The following HIVEP3 variants were observed in gnomAD, a reference collection of about 807,000 sequenced individuals.
HIVEP3 encodes HIVEP zinc finger 3.
In HIVEP3, 49 loss-of-function variants were observed where a neutral mutation model predicts 152.8. That is an observed-to-expected ratio of 0.32 (90% CI 0.26 to 0.41). HIVEP3 has a LOEUF of 0.41. HIVEP3 is among the 10% of genes least tolerant of loss of function. The pLI, the probability that HIVEP3 is intolerant of heterozygous loss-of-function variation, is 1.00. For missense variants in HIVEP3, 2,790 were observed against 3,103.3 expected, an observed-to-expected ratio of 0.90 and a Z score of 2.40; for synonymous variants, 1,269 against 1,289.0, an observed-to-expected ratio of 0.98 and a Z score of 0.33.
At chr1:41,678,712 G>T (rs1452296803) in intron 2 of HIVEP3, among the ~76,000 whole-genome samples, 1 of 152,202 alleles carries the variant, frequency 6.6e-6, no homozygotes, top group Non-Finnish European at 1.5e-5. Context: ...CAGTGACTGT[G>T]ACGACTGCCC....
At chr1:41,802,581 A>G (rs2124314663) in intron 1 of HIVEP3, among the ~76,000 whole-genome samples, 1 of 152,226 alleles carries the variant, frequency 6.6e-6, no homozygotes, top group East Asian at 1.9e-4. Context: ...GGAATAGGAG[A>G]GGAATGCTGA....
chr1:41,844,473 C>T (rs142930662), intron 1 of HIVEP3, among the ~76,000 whole-genome samples: 68 of 152,330 alleles, frequency 4.5e-4, no homozygotes, highest in African/African-American at 1.5e-3. Context: ...CCAGCAGTAT[C>T]GCTAGACGTC....
chr1:41,857,983 A>ATCTCCCTCTC (rs1553123645), intron 1 of HIVEP3, among the ~76,000 whole-genome samples: 1 of 148,484 alleles, frequency 6.7e-6, no homozygotes, highest in Non-Finnish European at 1.5e-5. Flanking sequence ...CAATCAATCA[A>ATCTCCCTCTC]TCTCTCTCTC....
At chr1:41,677,471 CA>C (rs2124083411) in intron 2 of HIVEP3, among the ~76,000 whole-genome samples, 1 of 152,342 alleles carries the variant, frequency 6.6e-6, no homozygotes, top group East Asian at 1.9e-4. Context: ...ATCTTTGCTT[CA>C]CTATAAAATG....
chr1:41,724,509 G>C (rs184595605), intron 1 of HIVEP3, among the ~76,000 whole-genome samples: 239 of 152,330 alleles, frequency 1.6e-3, no homozygotes, highest in African/African-American at 5.6e-3. Flanking sequence ...AGAGAACAAA[G>C]ACTTGGCTTG....
At chr1:41,786,315 T>C (rs1325778194) in intron 1 of HIVEP3, among the ~76,000 whole-genome samples, 1 of 152,166 alleles carries the variant, frequency 6.6e-6, no homozygotes, top group East Asian at 1.9e-4. Flanking sequence ...TCAGTAGAGA[T>C]GAGTTTCTTG....
At position 41,973,704 on chromosome 1, in the gene HIVEP3, G is replaced by A. The variant is rs145506618; in HGVS notation, n.120-55180C>T. ...TCAGCCCATATGCAAGGAATGATAG[G>A]AGTCAGAGGTCACTGGGGACCCAAT... On this transcript the variant is annotated intron_variant and non_coding_transcript_variant, in intron 1 of 3. Coordinates refer to the HIVEP3 transcript ENST00000489103. Among the ~76,000 whole-genome samples the A allele has an allele frequency of 2.1e-3, 314 of 152,332 alleles. 1 individual carries two copies. Among genetic ancestry groups the A allele is most frequent in the African/African-American group, 7.2e-3 (301 of 41,574 alleles).
At chr1:41,744,349 T>G (rs1159814599) in intron 1 of HIVEP3, among the ~76,000 whole-genome samples, 1 of 152,188 alleles carries the variant, frequency 6.6e-6, no homozygotes, top group Non-Finnish European at 1.5e-5. Context: ...CAGCCAGCCT[T>G]TTAAAATTTA....
chr1:41,616,349 G>A (rs1427299310), intron 3 of HIVEP3, among the ~76,000 whole-genome samples: 6 of 152,182 alleles, frequency 3.9e-5, no homozygotes, highest in Non-Finnish European at 8.8e-5. Flanking sequence ...CACAAAGGAC[G>A]TGTCTTGGCA....
chr1:41,643,890 C>CTTTTTTTTT lies in HIVEP3; in HGVS notation c.-720-14952_-720-14944dup, dbSNP rs58838768. ...CAAATTGTGTCTGCCTTCCCATCCTCTTTTTTTTTTTTTTTTGACAGGGTC... is the reference window on the plus strand; with the variant it reads ...CAAATTGTGTCTGCCTTCCCATCCTCTTTTTTTTTTTTTTTTTTTTTTTTTGACAGGGTC... On this transcript the variant is annotated intron_variant, in intron 2 of 8. Coordinates refer to ENST00000372583, the MANE Select transcript of HIVEP3 (RefSeq NM_024503.5). Among the ~76,000 whole-genome samples the CTTTTTTTTT allele has an allele frequency of 3.3e-3, 237 of 71,922 alleles. 7 individuals carry two copies. The highest frequency in any genetic ancestry group is 0.02 in the East Asian group (32 of 1,568). 47.2% of individuals were successfully genotyped at this position (71,922 alleles called of 152,430 possible).
intron 3 of HIVEP3, among the ~76,000 whole-genome samples, chr1:41,613,726 G>C (rs1193157852): frequency 6.6e-6 from 1 of 152,134 alleles, no homozygotes; most frequent in Non-Finnish European, 1.5e-5. Flanking sequence ...AAAATTCACA[G>C]GGTTGTGCAA....
At chr1:41,529,780 CCA>C (rs1206796345) in intron 5 of HIVEP3, among the ~76,000 whole-genome samples, 6 of 149,580 alleles carry the variant, frequency 4.0e-5, no homozygotes, top group Admixed American at 3.3e-4. Context: ...TTCCACATCC[CCA>C]CACACTCATA....
At chr1:41,804,645 G>A (rs1650494761) in intron 1 of HIVEP3, among the ~76,000 whole-genome samples, 1 of 152,208 alleles carries the variant, frequency 6.6e-6, no homozygotes. Flanking sequence ...ATTCACTGCA[G>A]ATGTCAAAGT....
chr1:41,962,602 T>C (rs1645175041), intron 1 of HIVEP3, among the ~76,000 whole-genome samples: 1 of 152,248 alleles, frequency 6.6e-6, no homozygotes, highest in African/African-American at 2.4e-5. Flanking sequence ...CCAGAAGGGA[T>C]GCTGGAACTC....
At chr1:41,852,159 C>T (rs984144028) in intron 1 of HIVEP3, among the ~76,000 whole-genome samples, 4 of 152,240 alleles carry the variant, frequency 2.6e-5, no homozygotes, top group African/African-American at 9.6e-5. Flanking sequence ...TGCTGTTTTG[C>T]CTTCCTTAGT....
intron 6 of HIVEP3, among the ~76,000 whole-genome samples, chr1:41,522,537 C>G (rs968832691): frequency 6.6e-6 from 1 of 152,166 alleles, no homozygotes; most frequent in African/African-American, 2.4e-5. Context: ...AGCCTTACCT[C>G]GGGGGATGCT....
chr1:41,662,244 G>A lies in HIVEP3; in HGVS notation c.-720-33297C>T, dbSNP rs1300183920. 2 of 145,626 alleles carry A rather than the reference G, an allele frequency of 1.4e-5. No individual in the cohort carries two copies. Among genetic ancestry groups the A allele is most frequent in the African/African-American group, 2.5e-5 (1 of 40,686 alleles). The allele number at this position is 145,626 out of a possible 1,614,324, so 9.0% of individuals were successfully genotyped here. A position where few individuals can be genotyped will look rare whatever the true frequency, so the allele number is the denominator to read the frequency against. On this transcript the variant is annotated intron_variant, in intron 2 of 8. Coordinates refer to ENST00000372583, the MANE Select transcript of HIVEP3 (RefSeq NM_024503.5). The surrounding 1 kb of genome is among the most constrained non-coding windows in gnomAD (Gnocchi z 7.2). ...GCGGCTCGGCAGCGCCCGCGCGCTC[G>A]GCTCCGCCCGGCTCGGCTCCGCCCG...
chr1:41,951,174 G>A (rs145774268), intron 1 of HIVEP3, among the ~76,000 whole-genome samples: 77 of 152,216 alleles, frequency 5.1e-4, no homozygotes, highest in Non-Finnish European at 3.7e-4. Context: ...AGAAGAAGGG[G>A]GCATTTGAAA....
chr1:41,840,053 A>G (rs1038274304), intron 1 of HIVEP3, among the ~76,000 whole-genome samples: 4 of 152,144 alleles, frequency 2.6e-5, no homozygotes, highest in Admixed American at 1.3e-4. Context: ...TCGACTGCAC[A>G]GTGCTGCCTA....
Sources: allele counts gnomAD v4.1 joint callset (sites outside exome capture counted in the v4.1 genomes callset), GRCh38; gene constraint gnomAD v4.1.1; non-coding constraint Gnocchi (gnomAD v3.1); transcripts MANE v1.5; gene names NCBI Gene and HGNC (gene_info 2026-07-23, HGNC 2026-07-21).